Variants in CATSPERT observed in about 807,000 individuals in gnomAD.
The protein encoded by CATSPERT is cation channel sperm-associated targeting subunit tau.
chr2:201,593,804 TG>T, the CATSPERT span, among the ~76,000 whole-genome samples: 1 of 151,198 alleles, frequency 6.6e-6, no homozygotes, highest in African/African-American at 2.4e-5. Flanking sequence ...TTGCAACCCC[TG>T]CCTTTTTTTG....
chr2:201,557,075 G>GT, the CATSPERT span: 1 of 151,900 alleles, frequency 6.6e-6, no homozygotes, highest in Admixed American at 6.6e-5. Context: ...AATAACCCAA[G>GT]TAACTATTCA....
chr2:201,601,905 A>G, the CATSPERT span: 53 of 1,544,584 alleles, frequency 3.4e-5, no homozygotes, highest in African/African-American at 7.0e-4. Context: ...AATGATATTC[A>G]GGAAATAAAT....
At chr2:201,572,251 CCAT>C in the CATSPERT span, among the ~76,000 whole-genome samples, 3 of 152,098 alleles carry the variant, frequency 2.0e-5, no homozygotes, top group African/African-American at 7.2e-5. Flanking sequence ...TCTTATTTAA[CCAT>C]CTCAATAAAC....
the CATSPERT span, among the ~76,000 whole-genome samples, chr2:201,495,151 A>G: frequency 1.7e-3 from 259 of 151,914 alleles, no homozygotes; most frequent in Middle Eastern, 3.4e-3. Flanking sequence ...ATAGCAATGT[A>G]GGAAATTTTT....
the CATSPERT span, among the ~76,000 whole-genome samples, chr2:201,592,868 C>CT: frequency 3.9e-5 from 6 of 151,930 alleles, no homozygotes; most frequent in African/African-American, 7.2e-5. Context: ...TGATTCTTCT[C>CT]TCTTTTTTTC....
At chr2:201,498,706 A>T in the CATSPERT span, among the ~76,000 whole-genome samples, 1 of 152,194 alleles carries the variant, frequency 6.6e-6, no homozygotes, top group African/African-American at 2.4e-5. Context: ...GTCCATAGTT[A>T]TTAAAGAGCT....
the CATSPERT span, chr2:201,491,192 A>G: frequency 1.3e-6 from 2 of 1,533,538 alleles, no homozygotes; most frequent in South Asian, 2.4e-5. Flanking sequence ...CTTGCAGTCC[A>G]GTGAAGCAGT....
At chr2:201,535,903 C>A in the CATSPERT span, 1 of 1,540,006 alleles carries the variant, frequency 6.5e-7, no homozygotes, top group Non-Finnish European at 8.7e-7. Context: ...CTGGTGGAAA[C>A]TAAGCCTGTG....
At chr2:201,590,122 C>T in the CATSPERT span, among the ~76,000 whole-genome samples, 3 of 151,984 alleles carry the variant, frequency 2.0e-5, no homozygotes, top group Admixed American at 6.6e-5. Flanking sequence ...TCTCCCAATG[C>T]TATCCCTCCC....
At chr2:201,619,154 T>C in the CATSPERT span, 1 of 1,611,778 alleles carries the variant, frequency 6.2e-7, no homozygotes, top group South Asian at 1.1e-5. Flanking sequence ...GCGGCCTGTC[T>C]GCGCCCAACC....
chr2:201,616,013 G>A, the CATSPERT span, among the ~76,000 whole-genome samples: 1 of 152,170 alleles, frequency 6.6e-6, no homozygotes, highest in Non-Finnish European at 1.5e-5. Context: ...CCAGGAAGAA[G>A]TTGAATCCCT....
At chr2:201,542,970 T>G in the CATSPERT span, among the ~76,000 whole-genome samples, 1 of 152,102 alleles carries the variant, frequency 6.6e-6, no homozygotes, top group African/African-American at 2.4e-5. Flanking sequence ...CTTCTAGGAG[T>G]TTTACAGTTT....
At chr2:201,505,868 G>A in the CATSPERT span, among the ~76,000 whole-genome samples, 4 of 152,202 alleles carry the variant, frequency 2.6e-5, no homozygotes, top group African/African-American at 9.6e-5. Flanking sequence ...GAAGAAAGTG[G>A]ATGAGGGGTA....
At chr2:201,589,643 A>G in the CATSPERT span, among the ~76,000 whole-genome samples, 1 of 152,054 alleles carries the variant, frequency 6.6e-6, no homozygotes, top group African/African-American at 2.4e-5. Context: ...ACCCAAAACT[A>G]TAATATAAAA....
the CATSPERT span, chr2:201,535,773 A>G: frequency 4.4e-6 from 6 of 1,355,782 alleles, no homozygotes; most frequent in Non-Finnish European, 5.7e-6. Flanking sequence ...TTTGTATTTA[A>G]TTTTTTAAAA....
At chr2:201,558,352 A>C in the CATSPERT span, 1 of 152,258 alleles carries the variant, frequency 6.6e-6, no homozygotes, top group Non-Finnish European at 1.5e-5. Flanking sequence ...TATCACTCCC[A>C]CAGGAAAGGA....
the CATSPERT span, among the ~76,000 whole-genome samples, chr2:201,610,355 G>C: frequency 1.3e-3 from 201 of 152,158 alleles, 2 homozygotes; most frequent in African/African-American, 4.6e-3. Context: ...CTACTCAGGA[G>C]GCTGAGGCAG....
the CATSPERT span, among the ~76,000 whole-genome samples, chr2:201,581,477 A>AATAT: frequency 2.4e-3 from 35 of 14,856 alleles, no homozygotes; most frequent in East Asian, 4.6e-3. Context: ...CACATTCCGG[A>AATAT]ATATATATAT....
chr2:201,508,815 C>CT, the CATSPERT span, among the ~76,000 whole-genome samples: 58,295 of 147,236 alleles, frequency 0.4, 11,512 homozygotes, highest in African/African-American at 0.46. Context: ...GACGAGATTT[C>CT]TTTTTTTTTT....
Sources: gnomAD v4.1 joint callset for allele counts (sites outside exome capture counted in the v4.1 genomes callset) on GRCh38, gnomAD v4.1.1 for gene constraint, MANE v1.5 for transcripts, NCBI Gene and HGNC (gene_info 2026-07-23, HGNC 2026-07-21) for gene names.